Variants in AKAP7 observed in about 807,000 individuals in gnomAD.
The protein encoded by AKAP7 is A kinase (PRKA) anchor protein 7.
Under a neutral mutation model 39.5 loss-of-function variants are expected in AKAP7, and 39 were observed. The ratio of observed to expected loss-of-function variants is 0.99; its 90% CI spans 0.76 to 1.29. AKAP7 has a LOEUF of 1.29. Ranked by LOEUF, AKAP7 falls within the 50% of genes most tolerant of loss-of-function variation. AKAP7 has a pLI of 0.00. For missense variants in AKAP7, 414 were observed against 407.7 expected (o/e 1.02, Z -0.13); for synonymous variants, 140 against 139.1 (o/e 1.01, Z -0.05).
the AKAP7 span, among the ~76,000 whole-genome samples, chr6:131,130,058 G>A: frequency 2.6e-5 from 4 of 152,324 alleles, no homozygotes; most frequent in Middle Eastern, 3.4e-3. Flanking sequence ...CAATTTAGTA[G>A]TAGTTCCTGA....
rs1800472054 is a variant in AKAP7, at chr6:131,135,691, C to T, written c.-73C>T. On this transcript the variant is annotated 5_prime_UTR_variant, in exon 1 of 8. Transcript: ENST00000431975. ...GCCCTGGCCTCCGCCTCGGCCTCGC[C>T]TCCAGCCCCGGGACGCGGCCCGCCA... 8.7e-7 allele frequency: 1 copy of T among 1,147,486 alleles called. No homozygotes were observed. Among genetic ancestry groups the T allele is most frequent in the Non-Finnish European group, 1.1e-6 (1 of 936,006 alleles). 71.1% of individuals were successfully genotyped at this position (1,147,486 alleles called of 1,614,324 possible).
At chr6:131,196,542 G>A (rs1392403137) in intron 5 of AKAP7, among the ~76,000 whole-genome samples, 1 of 151,980 alleles carries the variant, frequency 6.6e-6, no homozygotes, top group Non-Finnish European at 1.5e-5. Context: ...GGGATTACAG[G>A]CATGAGACAC....
At chr6:131,182,798 A>G (rs1240755486) in intron 5 of AKAP7, among the ~76,000 whole-genome samples, 1 of 151,784 alleles carries the variant, frequency 6.6e-6, no homozygotes, top group Non-Finnish European at 1.5e-5. Context: ...GTTATTTTCT[A>G]TTTTTTTGAT....
At chr6:131,137,918 CAT>C (rs1462937970) in intron 1 of AKAP7, among the ~76,000 whole-genome samples, 1 of 152,176 alleles carries the variant, frequency 6.6e-6, no homozygotes, top group Non-Finnish European at 1.5e-5. Context: ...AATTGTAAAT[CAT>C]AGAGCATATG....
At chr6:131,129,804 G>T in the AKAP7 span, among the ~76,000 whole-genome samples, 1 of 152,170 alleles carries the variant, frequency 6.6e-6, no homozygotes, top group East Asian at 1.9e-4. Flanking sequence ...GTCACCAAGG[G>T]TCCCAGTTAG....
At chr6:131,178,996 G>C (rs528254779) in intron 5 of AKAP7, among the ~76,000 whole-genome samples, 15 of 152,148 alleles carry the variant, frequency 9.9e-5, no homozygotes, top group African/African-American at 3.6e-4. Context: ...AAATGCCTGA[G>C]TGTTCCTTCT....
chr6:131,137,945 C>T (rs77470178), intron 1 of AKAP7, among the ~76,000 whole-genome samples: 12,016 of 152,250 alleles, frequency 0.079, 627 homozygotes, highest in Middle Eastern at 0.21. Context: ...TTTATATCTC[C>T]TTTCTAAAAA....
the AKAP7 span, among the ~76,000 whole-genome samples, chr6:131,127,973 A>G: frequency 3.9e-3 from 591 of 152,308 alleles, 2 homozygotes; most frequent in African/African-American, 0.014. Flanking sequence ...GGAGCTAAAT[A>G]ATGAGAACAA....
intron 5 of AKAP7, among the ~76,000 whole-genome samples, chr6:131,188,564 G>C (rs1436726997): frequency 6.6e-6 from 1 of 152,088 alleles, no homozygotes; most frequent in Non-Finnish European, 1.5e-5. Context: ...TTAAGACCGT[G>C]TATCACTCTG....
the AKAP7 span, among the ~76,000 whole-genome samples, chr6:131,127,855 A>T: frequency 1.3e-5 from 2 of 152,244 alleles, no homozygotes; most frequent in African/African-American, 4.8e-5. Flanking sequence ...ATAATAAAGA[A>T]TGAAATCATG....
intron 5 of AKAP7, among the ~76,000 whole-genome samples, chr6:131,199,178 G>A (rs1807268281): frequency 6.6e-6 from 1 of 152,180 alleles, no homozygotes; most frequent in South Asian, 2.1e-4. Context: ...CATCATGTCA[G>A]CCCAGCAGTT....
At chr6:131,205,289 C>A (rs1458146257) in intron 6 of AKAP7, among the ~76,000 whole-genome samples, 3 of 151,912 alleles carry the variant, frequency 2.0e-5, no homozygotes, top group Admixed American at 2.0e-4. Flanking sequence ...TCAGAGCTAT[C>A]ATCAGTCTGT....
At chr6:131,228,142 G>A (rs542790217) in intron 7 of AKAP7, among the ~76,000 whole-genome samples, 1 of 152,150 alleles carries the variant, frequency 6.6e-6, no homozygotes, top group Admixed American at 6.5e-5. Context: ...TGTAGGCATG[G>A]GGATCTCCTT....
upstream of AKAP7, among the ~76,000 whole-genome samples, chr6:131,131,066 G>T (rs1275719551): frequency 6.6e-6 from 1 of 152,238 alleles, no homozygotes; most frequent in Non-Finnish European, 1.5e-5. Context: ...CTATCCTGAA[G>T]GGTTGTGGGA....
In AKAP7 at chr6:131,135,578, G is replaced by A; in HGVS notation, c.-186G>A. 3.0e-6 allele frequency: 1 copy of A among 330,174 alleles called. No homozygotes were observed. Among genetic ancestry groups the A allele is most frequent in the Non-Finnish European group, 4.3e-6 (1 of 230,452 alleles). 20.5% of individuals were successfully genotyped at this position (330,174 alleles called of 1,614,324 possible). On this transcript the variant is annotated 5_prime_UTR_variant, in exon 1 of 8. Transcript: ENST00000431975. ...GCGGCTTGGGAAGCTCCGCGCTTCC[G>A]CAGGCCTGGCCTCCGCCGCCCGGGC...
At chr6:131,208,743 G>C (rs1302281820) in intron 6 of AKAP7, among the ~76,000 whole-genome samples, 5 of 152,334 alleles carry the variant, frequency 3.3e-5, no homozygotes, top group African/African-American at 1.2e-4. Flanking sequence ...TACAACAACA[G>C]AGATTCTTTT....
In AKAP7 at chr6:131,224,546, G is replaced by C. The variant is rs149332534; in HGVS notation, c.850+4738G>C. ...AGGTACATGTGTGAATTTTTCTGGGGAGATAATTTAGCCCTCATTAGATTT... is the reference window on the plus strand; with the variant it reads ...AGGTACATGTGTGAATTTTTCTGGGCAGATAATTTAGCCCTCATTAGATTT... On this transcript the variant is annotated intron_variant, in intron 7 of 7. Transcript: ENST00000431975. Among the ~76,000 whole-genome samples the C allele has an allele frequency of 2.6e-5, 4 of 152,012 alleles. No homozygotes were observed. The South Asian group carries it at 8.3e-4, about 32-fold the overall frequency.
intron 1 of AKAP7, among the ~76,000 whole-genome samples, chr6:131,140,368 A>G (rs1395661177): frequency 6.6e-6 from 1 of 152,184 alleles, no homozygotes; most frequent in Non-Finnish European, 1.5e-5. Flanking sequence ...AATGAAGTCC[A>G]TAGCACTTGC....
Position 131,159,848 on chromosome 6 carries a change from G to A in AKAP7, c.152-211G>A, listed in dbSNP as rs903388975. Among the ~76,000 whole-genome samples the A allele has an allele frequency of 3.3e-5, 5 of 152,226 alleles. No individual in the cohort carries two copies. In the East Asian group the frequency reaches 9.6e-4, roughly 29 times the overall value. The stretch of plus-strand genomic sequence containing the variant: ...ACTCATTTATGTTTTGTCTACAGCA[G>A]AGTTGAGTAGTTAACGGCAGAGACT... On this transcript the variant is annotated intron_variant, in intron 2 of 7. Transcript: ENST00000431975.
Sources: allele counts gnomAD v4.1 joint callset (sites outside exome capture counted in the v4.1 genomes callset), GRCh38; gene constraint gnomAD v4.1.1; transcripts MANE v1.5; gene names NCBI Gene and HGNC (gene_info 2026-07-23, HGNC 2026-07-21).